SLC3A2: variants seen among roughly 807,000 people sequenced by gnomAD.
SLC3A2 encodes the protein amino acid transporter heavy chain SLC3A2.
A neutral mutation model predicts 48.5 loss-of-function variants in SLC3A2; 32 were observed. The observed-to-expected ratio is 0.66, with a 90% confidence interval of 0.50 to 0.89. The LOEUF is 0.89. SLC3A2 is among the 40% of genes least tolerant of loss of function. The pLI, the probability that SLC3A2 is intolerant of heterozygous loss-of-function variation, is 0.00. For missense variants in SLC3A2, 587 were observed against 680.7 expected (o/e 0.86, Z 1.53); for synonymous variants, 277 against 288.8 (o/e 0.96, Z 0.41).
upstream of SLC3A2, among the ~76,000 whole-genome samples, chr11:62,878,600 G>T (rs1414614703): frequency 6.6e-6 from 1 of 150,690 alleles, no homozygotes; most frequent in East Asian, 2.0e-4. Flanking sequence ...TAAGTAGCTG[G>T]GACTACAGGC....
chr11:62,880,777 TC>T, upstream of SLC3A2: 1 of 604,334 alleles, frequency 1.7e-6, no homozygotes, highest in African/African-American at 1.9e-5. Flanking sequence ...GGAGGCGTGT[TC>T]CTGACTTTAC....
At chr11:62,872,098 G>A (rs1023718059) in intron 1 of SLC3A2, among the ~76,000 whole-genome samples, 1 of 152,112 alleles carries the variant, frequency 6.6e-6, no homozygotes, top group Non-Finnish European at 1.5e-5. Context: ...TGTATTTTTA[G>A]TAGAGACGGG....
In SLC3A2 at chr11:62,881,163, T is replaced by C; in HGVS notation, c.140T>C (p.Val47Ala). Reference sequence around the variant, plus strand: ...AAGAATGGTCTGGTGAAGATCAAGGTGGCGGAAGACGAGGCGGAGGCGGCA... The same window carrying C: ...AAGAATGGTCTGGTGAAGATCAAGGCGGCGGAAGACGAGGCGGAGGCGGCA... Reference protein sequence around the residue: ...AEKNGLVKIKVAEDEAEAAAA... With the variant: ...AEKNGLVKIKAAEDEAEAAAA... The change falls in exon 1 of 9, where the codon GTG becomes GCG. Residue 47 changes from valine (V) to alanine (A), a missense_variant. Around this residue, in one of 3 missense-constraint regions of SLC3A2, gnomAD observed 409 missense variants for 446.7 expected, o/e 0.92. Coordinates refer to ENST00000338663, the MANE Select transcript of SLC3A2 (RefSeq NM_001013251.3). This position sits in a 1 kb window ranked among gnomAD's most constrained non-coding sequence, Gnocchi z 4.0. 6.3e-7 allele frequency: 1 copy of C among 1,599,574 alleles called. No individual in the cohort carries two copies.
chr11:62,877,762 G>T (rs577600397), upstream of SLC3A2, among the ~76,000 whole-genome samples: 1 of 152,372 alleles, frequency 6.6e-6, no homozygotes, highest in East Asian at 1.9e-4. Context: ...AGTCTGGCAG[G>T]TGTTTGAAGG....
Position 62,881,220 on chromosome 11 carries a change from A to AT in SLC3A2, c.197_198insT (p.Glu66AspfsTer105). ...GCTAAGTTCACGGGCCTGTCCAAGG[A>AT]GGAGCTGCTGAAGGTGGCAGGCAGC... On this transcript the variant is annotated frameshift_variant, in exon 1 of 9. Transcript: ENST00000338663. LOFTEE classifies it high-confidence loss of function. This position sits in a 1 kb window ranked among gnomAD's most constrained non-coding sequence, Gnocchi z 4.0. 6.3e-7 allele frequency: 1 copy of AT among 1,588,222 alleles called. No homozygotes were observed. Among genetic ancestry groups the AT allele is most frequent in the Non-Finnish European group, 8.6e-7 (1 of 1,169,012 alleles).
chr11:62,882,861 T>A, intron 2 of SLC3A2, 47 bp from the exon 3 acceptor site: 2 of 1,446,306 alleles, frequency 1.4e-6, no homozygotes, highest in Non-Finnish European at 1.9e-6. Context: ...TTATTTTCCC[T>A]TAACTCATAG....
chr11:62,862,573 G>T (rs954390611), intron 1 of SLC3A2, among the ~76,000 whole-genome samples: 2 of 151,890 alleles, frequency 1.3e-5, no homozygotes, highest in Admixed American at 6.6e-5. Flanking sequence ...AACTCCCTGG[G>T]GTTTGATTTT....
chr11:62,858,063 G>A (rs1373272391), intron 1 of SLC3A2, among the ~76,000 whole-genome samples: 2 of 152,230 alleles, frequency 1.3e-5, no homozygotes, highest in African/African-American at 2.4e-5. Flanking sequence ...AAAAAAAACC[G>A]GGGAGAGTTT....
intron 3 of SLC3A2, chr11:62,884,067 C>T (rs1308307757): frequency 1.5e-5 from 7 of 462,604 alleles, no homozygotes; most frequent in Admixed American, 4.7e-5. Context: ...TGACTGTGGA[C>T]GCGTCTCCCT....
rs768750702 is a variant in SLC3A2 at position 62,885,292 on chromosome 11, G to A, written c.934G>A (p.Glu312Lys). Residue 312 changes from glutamate (E) to lysine (K), a missense_variant, in exon 6 of 9, where the codon GAG becomes AAG. Glu to Lys is a moderately conservative substitution (Grantham distance 56). This residue lies in a region of SLC3A2 where 409 missense variants were observed against 446.7 expected (regional missense o/e 0.92). Coordinates refer to ENST00000338663, the MANE Select transcript of SLC3A2 (RefSeq NM_001013251.3). The stretch of plus-strand genomic sequence containing the variant: ...CCTGTCTGATTCTGGTTCTACTGGG[G>A]AGCATACAAAATCCCTAGTCACACA... ...SYLSDSGSTG[E>K]HTKSLVTQYL... 3.1e-6 allele frequency: 5 copies of A among 1,614,088 alleles called. No homozygotes were observed. The African/African-American group carries it at 5.3e-5, about 17-fold the overall frequency.
intron 1 of SLC3A2, among the ~76,000 whole-genome samples, chr11:62,874,221 C>T (rs922552460): frequency 2.6e-4 from 40 of 151,788 alleles, no homozygotes; most frequent in Non-Finnish European, 5.9e-5. Flanking sequence ...CCTCAGTGAT[C>T]ATTTTAAGGT....
chr11:62,858,935 C>T (rs1389528771), intron 1 of SLC3A2, among the ~76,000 whole-genome samples: 1 of 152,190 alleles, frequency 6.6e-6, no homozygotes, highest in South Asian at 2.1e-4. Context: ...GTAGATGGAA[C>T]GTACAATCGG....
chr11:62,860,956 G>A (rs2085392484), intron 1 of SLC3A2, among the ~76,000 whole-genome samples: 1 of 152,154 alleles, frequency 6.6e-6, no homozygotes, highest in South Asian at 2.1e-4. Context: ...TTGGGGCTAG[G>A]GTTACAGATT....
At chr11:62,866,628 T>C (rs1290368295) in intron 1 of SLC3A2, among the ~76,000 whole-genome samples, 4 of 152,138 alleles carry the variant, frequency 2.6e-5, no homozygotes, top group African/African-American at 9.7e-5. Flanking sequence ...GCTCCTGACC[T>C]CAGGTGATCC....
intron 1 of SLC3A2, chr11:62,870,708 A>C (rs1344414134): frequency 6.3e-6 from 1 of 158,352 alleles, no homozygotes; most frequent in African/African-American, 2.5e-5. Flanking sequence ...GTTACTTTAT[A>C]CATTATTATT....
intron 1 of SLC3A2, among the ~76,000 whole-genome samples, chr11:62,860,161 G>A (rs1476087666): frequency 1.3e-5 from 2 of 152,106 alleles, no homozygotes; most frequent in East Asian, 1.9e-4. Context: ...TGATGTGCAC[G>A]TAGGCCACAT....
chr11:62,885,711 C>A, intron 7 of SLC3A2, 103 bp downstream of exon 7: 1 of 1,305,892 alleles, frequency 7.7e-7, no homozygotes, highest in Non-Finnish European at 1.1e-6. Flanking sequence ...GGTGAAAACG[C>A]GTTTGATTCT....
chr11:62,859,409 A>G (rs1485594515), intron 1 of SLC3A2, among the ~76,000 whole-genome samples: 2 of 152,170 alleles, frequency 1.3e-5, no homozygotes, highest in Non-Finnish European at 2.9e-5. Context: ...AACAAAATGG[A>G]GTCTCCCATG....
chr11:62,875,074 T>C (rs1177899626), intron 1 of SLC3A2, among the ~76,000 whole-genome samples: 1 of 152,188 alleles, frequency 6.6e-6, no homozygotes, highest in Non-Finnish European at 1.5e-5. Flanking sequence ...ATTTTTCAAA[T>C]GGCTAAAATC....
Sources: gnomAD v4.1 joint callset for allele counts (sites outside exome capture counted in the v4.1 genomes callset) on GRCh38, gnomAD v4.1.1 for gene constraint, gnomAD v4.1.1 regional missense constraint, Gnocchi (gnomAD v3.1) non-coding constraint, MANE v1.5 for transcripts, NCBI Gene and HGNC (gene_info 2026-07-23, HGNC 2026-07-21) for gene names.